The following DIP2B variants were observed in gnomAD, a reference collection of about 807,000 sequenced individuals.
The protein encoded by DIP2B is DIP2 acetate--CoA ligase B (putative), also known as disco-interacting protein 2 homolog B.
A neutral mutation model predicts 198.0 loss-of-function variants in DIP2B; 76 were observed. The observed-to-expected ratio is 0.38, with a 90% CI of 0.32 to 0.46. The LOEUF (loss-of-function observed/expected upper bound fraction) is 0.46, where lower values mean the gene tolerates loss of function less well. DIP2B is among the 20% of genes least tolerant of loss of function. DIP2B has a pLI of 0.99. For missense variants in DIP2B, 1,559 were observed against 1,978.4 expected, an observed-to-expected ratio of 0.79 and a Z score of 4.02; for synonymous variants, 701 against 739.1, an observed-to-expected ratio of 0.95 and a Z score of 0.84.
At chr12:50,653,083 A>C (rs1938486712) in intron 3 of DIP2B, among the ~76,000 whole-genome samples, 1 of 151,974 alleles carries the variant, frequency 6.6e-6, no homozygotes, top group East Asian at 1.9e-4. Flanking sequence ...GAGTTTGAGA[A>C]AGATTTACAT....
intron 3 of DIP2B, among the ~76,000 whole-genome samples, chr12:50,647,517 G>A (rs1938371023): frequency 6.6e-6 from 1 of 152,186 alleles, no homozygotes; most frequent in Non-Finnish European, 1.5e-5. Context: ...CCTAATTAGT[G>A]TTGTGATATC....
At chr12:50,548,776 T>C (rs1463965723) in intron 1 of DIP2B, among the ~76,000 whole-genome samples, 1 of 152,188 alleles carries the variant, frequency 6.6e-6, no homozygotes, top group Admixed American at 6.5e-5. Flanking sequence ...TTCCCCGCCT[T>C]GGCCTCCCAA....
chr12:50,582,424 A>G (rs765248936), intron 1 of DIP2B, among the ~76,000 whole-genome samples: 6 of 152,128 alleles, frequency 3.9e-5, no homozygotes, highest in Non-Finnish European at 8.8e-5. Flanking sequence ...TGCTGGGATT[A>G]CAGGCGTGAC....
Position 50,698,486 on chromosome 12 carries a change from C to T in DIP2B, c.2188+19C>T. 1 of 1,595,504 alleles carries T rather than the reference C, an allele frequency of 6.3e-7. No individual in the cohort carries two copies. The highest frequency in any genetic ancestry group is 1.3e-5 in the African/African-American group (1 of 74,376). ...CCTGGTGGTGAGTCGCAAGGAGCAT[C>T]ATTTGGTTTTTCATAAAGATTTGTC... On this transcript the variant is annotated intron_variant, in intron 18 of 37. Coordinates refer to ENST00000301180, the MANE Select transcript of DIP2B (RefSeq NM_173602.3).
chr12:50,527,340 A>T (rs546172007), intron 1 of DIP2B, among the ~76,000 whole-genome samples: 1 of 152,340 alleles, frequency 6.6e-6, no homozygotes, highest in Non-Finnish European at 1.5e-5. Flanking sequence ...TACCCACGTT[A>T]TCTCAGGTCT....
intron 1 of DIP2B, among the ~76,000 whole-genome samples, chr12:50,555,208 C>T (rs116556789): frequency 6.6e-6 from 1 of 152,314 alleles, no homozygotes; most frequent in African/African-American, 2.4e-5. Flanking sequence ...AAAAGACATT[C>T]ATTCTCTTGG....
chr12:50,644,429 A>C (rs752775969), intron 3 of DIP2B, among the ~76,000 whole-genome samples: 1 of 152,192 alleles, frequency 6.6e-6, no homozygotes, highest in Non-Finnish European at 1.5e-5. Context: ...TATTCGTATT[A>C]CCTTATTCAG....
At chr12:50,512,468 C>T (rs1958026987) in intron 1 of DIP2B, among the ~76,000 whole-genome samples, 1 of 151,882 alleles carries the variant, frequency 6.6e-6, no homozygotes, top group South Asian at 2.1e-4. Context: ...TAACTCACAA[C>T]TATTTATTTC....
intron 1 of DIP2B, among the ~76,000 whole-genome samples, chr12:50,533,057 A>C (rs947997844): frequency 6.6e-6 from 1 of 152,262 alleles, no homozygotes; most frequent in Admixed American, 6.5e-5. Context: ...AGTAGTGAGA[A>C]GGAGGATGTG....
chr12:50,599,116 T>A (rs1476657522), intron 1 of DIP2B, among the ~76,000 whole-genome samples: 2 of 139,986 alleles, frequency 1.4e-5, no homozygotes, highest in African/African-American at 5.4e-5. Context: ...ATGGCAAAAC[T>A]CCATCTCTAC....
At position 50,697,069 on chromosome 12, in the gene DIP2B, T is replaced by G; in HGVS notation, c.1942T>G (p.Ser648Ala). ...VTDGANPWSV[S>A]SCDAFLSLFQ... Reference sequence around the variant, plus strand: ...CTGTTCCAACTCCTTAGGGTCCGTGTCATCCTGTGATGCCTTCCTGAGTCT... The same window carrying G: ...CTGTTCCAACTCCTTAGGGTCCGTGGCATCCTGTGATGCCTTCCTGAGTCT... The change falls in exon 17 of 38, where the codon TCA becomes GCA. Residue 648 changes from serine to alanine, a missense_variant. By Grantham distance (99) the Ser-to-Ala change is moderately conservative. Coordinates refer to ENST00000301180, the MANE Select transcript of DIP2B (RefSeq NM_173602.3). 6.2e-7 allele frequency: 1 copy of G among 1,614,008 alleles called. No homozygotes were observed. The highest frequency in any genetic ancestry group is 1.1e-5 in the South Asian group (1 of 91,062).
At chr12:50,669,720 C>T (rs571371998) in intron 4 of DIP2B, among the ~76,000 whole-genome samples, 3 of 152,284 alleles carry the variant, frequency 2.0e-5, no homozygotes, top group South Asian at 2.1e-4. Flanking sequence ...CCACTGCATC[C>T]GGCCCATTAT....
At chr12:50,539,874 A>C (rs2139373085) in intron 1 of DIP2B, among the ~76,000 whole-genome samples, 1 of 152,046 alleles carries the variant, frequency 6.6e-6, no homozygotes, top group African/African-American at 2.4e-5. Flanking sequence ...ATTTTCTATG[A>C]GTGGAATCAT....
At chr12:50,739,098 C>T (rs994972277) in intron 35 of DIP2B, among the ~76,000 whole-genome samples, 7 of 152,204 alleles carry the variant, frequency 4.6e-5, no homozygotes, top group Non-Finnish European at 1.0e-4. Flanking sequence ...AGAGCACGGC[C>T]TCCGGAGCCA....
intron 30 of DIP2B, among the ~76,000 whole-genome samples, chr12:50,730,422 T>A (rs1940021952): frequency 6.7e-6 from 1 of 149,946 alleles, no homozygotes; most frequent in Admixed American, 6.7e-5. Context: ...TCTCAATCTG[T>A]CACCCAGGCT....
intron 4 of DIP2B, among the ~76,000 whole-genome samples, chr12:50,664,561 G>A (rs1245866026): frequency 6.6e-6 from 1 of 152,062 alleles, no homozygotes; most frequent in Non-Finnish European, 1.5e-5. Context: ...TTTGTGTAAT[G>A]CTATTACTCA....
At chr12:50,704,064 A>T in intron 19 of DIP2B, 76 bp from the exon 20 acceptor site, 2 of 1,309,068 alleles carry the variant, frequency 1.5e-6, no homozygotes, top group Non-Finnish European at 2.2e-6. Context: ...CATGTATTTT[A>T]ATAAAACTTT....
At chr12:50,733,971 C>G (rs1940093497) in intron 32 of DIP2B, among the ~76,000 whole-genome samples, 164 bp from the exon 33 acceptor site, 1 of 152,210 alleles carries the variant, frequency 6.6e-6, no homozygotes, top group Admixed American at 6.5e-5. Flanking sequence ...AGTGCTGCCA[C>G]AGTCCCCGTG....
chr12:50,639,550 G>A (rs987515427), intron 2 of DIP2B, among the ~76,000 whole-genome samples: 1 of 150,938 alleles, frequency 6.6e-6, no homozygotes, highest in Non-Finnish European at 1.5e-5. Flanking sequence ...ACTGGGCTGT[G>A]TGGCACTGTT....
Sources: gnomAD v4.1 joint callset for allele counts (sites outside exome capture counted in the v4.1 genomes callset) on GRCh38, gnomAD v4.1.1 for gene constraint, MANE v1.5 for transcripts, NCBI Gene and HGNC (gene_info 2026-07-23, HGNC 2026-07-21) for gene names.